TRDN: variants seen among roughly 807,000 people sequenced by gnomAD.
TRDN encodes the protein triadin in skeletal muscle.
In TRDN, 161 loss-of-function variants were observed where a neutral mutation model predicts 149.7. The observed-to-expected ratio is 1.08, with a 90% CI of 0.95 to 1.23. The LOEUF (loss-of-function observed/expected upper bound fraction) is 1.23, where lower values mean the gene tolerates loss of function less well. Among genes scored for constraint, TRDN ranks in the 50% most tolerant of loss-of-function variants. TRDN has a pLI of 0.00. For synonymous variants in TRDN, 294 were observed against 250.5 expected (o/e 1.17, Z -1.64); for missense variants, 896 against 823.5 (o/e 1.09, Z -1.08).
At chr6:123,307,121 A>C in intron 24 of TRDN, among the ~76,000 whole-genome samples, 1 of 152,074 alleles carries the variant, frequency 6.6e-6, no homozygotes, top group East Asian at 1.9e-4. Context: ...AAGCAAGAAA[A>C]CCATCCTCCG....
rs1387599141 is a variant in TRDN, at chr6:123,285,998, G to C, written c.1511-6916C>G. Reference sequence around the variant, plus strand: ...GATACCACCTTACTCCTGCAAGAATGGCCATAATCAAAAAATTAAAAAATA... The same window carrying C: ...GATACCACCTTACTCCTGCAAGAATCGCCATAATCAAAAAATTAAAAAATA... On this transcript the variant is annotated intron_variant, in intron 24 of 40. Coordinates refer to ENST00000334268, the MANE Select transcript of TRDN (RefSeq NM_006073.4). Among the ~76,000 whole-genome samples the C allele has an allele frequency of 2.0e-5, 3 of 152,010 alleles. No individual in the cohort carries two copies. The East Asian group carries it at 5.8e-4, about 29-fold the overall frequency.
chr6:123,286,707 AC>A (rs1460802832), intron 24 of TRDN, among the ~76,000 whole-genome samples: 1 of 152,018 alleles, frequency 6.6e-6, no homozygotes, highest in African/African-American at 2.4e-5. Flanking sequence ...AATTAAAAAA[AC>A]ACACACACAC....
chr6:123,274,505 C>A (rs369513356), intron 27 of TRDN, 136 bp downstream of exon 27: 4 of 677,334 alleles, frequency 5.9e-6, no homozygotes. Context: ...TCATGTTGAG[C>A]AATGGAGTTG....
In TRDN at chr6:123,620,391, A is replaced by C. The variant is rs562227765; in HGVS notation, c.22+16363T>G. 4.8e-4 allele frequency among the ~76,000 whole-genome samples: 73 copies of C among 152,280 alleles called. 1 individual carries two copies. In the South Asian group the frequency reaches 0.015, roughly 31 times the overall value. The stretch of plus-strand genomic sequence containing the variant: ...CTGGTCTGGGGACTACACACTGACA[A>C]ACTCTGATCTGGGAGAATAAAACTT... On this transcript the variant is annotated intron_variant, in intron 1 of 40. Transcript: ENST00000334268.
chr6:123,614,945 A>G (rs1785009053), intron 1 of TRDN, among the ~76,000 whole-genome samples: 1 of 152,170 alleles, frequency 6.6e-6, no homozygotes, highest in Non-Finnish European at 1.5e-5. Context: ...CTCAAACAAT[A>G]GCAAAAACAA....
chr6:123,540,751 C>A (rs1780792836), intron 4 of TRDN, among the ~76,000 whole-genome samples: 1 of 152,134 alleles, frequency 6.6e-6, no homozygotes, highest in Non-Finnish European at 1.5e-5. Flanking sequence ...ATTTCCTGAC[C>A]TCGTGATCTG....
chr6:123,431,328 A>T lies in TRDN; in HGVS notation c.1051+6735T>A, dbSNP rs189566097. On this transcript the variant is annotated intron_variant, in intron 12 of 40. Coordinates refer to ENST00000334268, the MANE Select transcript of TRDN (RefSeq NM_006073.4). The stretch of plus-strand genomic sequence containing the variant: ...TTTTTTACTTATCTGAATGAATTTT[A>T]AAAAATTTTATCTGGAATATAAAAT... 9.7e-4 allele frequency among the ~76,000 whole-genome samples: 147 copies of T among 152,276 alleles called. 3 individuals are homozygous for T. In the South Asian group the frequency reaches 0.023, roughly 24 times the overall value.
intron 4 of TRDN, among the ~76,000 whole-genome samples, chr6:123,545,315 C>A (rs959251535): frequency 6.6e-6 from 1 of 151,468 alleles, no homozygotes; most frequent in Non-Finnish European, 1.5e-5. Flanking sequence ...GAATTTCTCC[C>A]CAATAATAAT....
chr6:123,375,658 C>A, intron 18 of TRDN, 27 bp from the exon 19 acceptor site: 1 of 1,500,448 alleles, frequency 6.7e-7, no homozygotes, highest in South Asian at 1.3e-5. Flanking sequence ...ATAATAAGGT[C>A]AACAGTAATT....
At chr6:123,325,903 G>T (rs1379468381) in intron 23 of TRDN, among the ~76,000 whole-genome samples, 1 of 152,034 alleles carries the variant, frequency 6.6e-6, no homozygotes, top group African/African-American at 2.4e-5. Flanking sequence ...TCCCCTGCAG[G>T]TTTGTATCTG....
intron 20 of TRDN, among the ~76,000 whole-genome samples, chr6:123,361,529 A>G (rs952722609): frequency 2.0e-5 from 3 of 151,662 alleles, no homozygotes; most frequent in African/African-American, 7.3e-5. Flanking sequence ...AAAAAAAAAG[A>G]GAGAGAGAGA....
chr6:123,378,039 C>T (rs1454665953), intron 16 of TRDN, 141 bp from the exon 17 acceptor site: 3 of 559,592 alleles, frequency 5.4e-6, no homozygotes, highest in African/African-American at 1.9e-5. Flanking sequence ...CATAAAAAGG[C>T]TAAGATTATA....
chr6:123,299,662 A>C (rs2114666476), intron 24 of TRDN, among the ~76,000 whole-genome samples: 1 of 152,168 alleles, frequency 6.6e-6, no homozygotes, highest in African/African-American at 2.4e-5. Flanking sequence ...ACCAATGTGA[A>C]GTACTTCATG....
At chr6:123,534,008 A>G (rs1232744502) in intron 4 of TRDN, among the ~76,000 whole-genome samples, 2 of 151,988 alleles carry the variant, frequency 1.3e-5, no homozygotes, top group African/African-American at 2.4e-5. Flanking sequence ...CTCATTTTTT[A>G]TTTTCCTGAT....
intron 12 of TRDN, among the ~76,000 whole-genome samples, chr6:123,397,389 A>G (rs553144305): frequency 2.0e-5 from 3 of 152,224 alleles, no homozygotes; most frequent in African/African-American, 7.2e-5. Flanking sequence ...AAATCATATA[A>G]TTATTTACTC....
chr6:123,356,719 G>A (rs1298382336), intron 20 of TRDN, among the ~76,000 whole-genome samples: 2 of 149,908 alleles, frequency 1.3e-5, no homozygotes, highest in Non-Finnish European at 3.0e-5. Flanking sequence ...AATTGAGGGA[G>A]GGGAATAGAA....
At chr6:123,236,679 C>T (rs899362083) in intron 38 of TRDN, among the ~76,000 whole-genome samples, 6 of 152,008 alleles carry the variant, frequency 3.9e-5, no homozygotes, top group Admixed American at 6.6e-5. Flanking sequence ...TGTTTGAGTG[C>T]CATTGGTTAA....
intron 5 of TRDN, among the ~76,000 whole-genome samples, chr6:123,518,394 C>T (rs1779513290): frequency 6.6e-6 from 1 of 152,062 alleles, no homozygotes. Context: ...AAAAACAAAG[C>T]GTCTTTTAAA....
intron 1 of TRDN, among the ~76,000 whole-genome samples, chr6:123,601,762 A>C (rs192675450): frequency 2.0e-5 from 3 of 152,274 alleles, no homozygotes; most frequent in Admixed American, 1.3e-4. Context: ...GACCACTTCA[A>C]AAGTTTTTAC....
Sources: allele counts gnomAD v4.1 joint callset (sites outside exome capture counted in the v4.1 genomes callset), GRCh38; gene constraint gnomAD v4.1.1; transcripts MANE v1.5; gene names NCBI Gene and HGNC (gene_info 2026-07-23, HGNC 2026-07-21).